SLCO5A1: variants seen among roughly 807,000 people sequenced by gnomAD.
The protein encoded by SLCO5A1 is solute carrier organic anion transporter family member 5A1.
In SLCO5A1, 39 loss-of-function variants were observed where a neutral mutation model predicts 65.1. That is an observed-to-expected ratio of 0.60 (90% confidence interval 0.46 to 0.78). The LOEUF (loss-of-function observed/expected upper bound fraction) is 0.78. Ranked by LOEUF, SLCO5A1 falls within the 30% of genes least tolerant of loss-of-function variation. SLCO5A1 has a pLI of 0.00. For synonymous variants in SLCO5A1, 438 were observed against 415.7 expected (o/e 1.05, Z -0.65); for missense variants, 1,029 against 1,069.4 (o/e 0.96, Z 0.53).
chr8:69,670,927 G>A lies in SLCO5A1; in HGVS notation c.*1942C>T, dbSNP rs575983997. On this transcript the variant is annotated 3_prime_UTR_variant, in exon 10 of 10. Transcript: ENST00000260126. ...CATAGAGGGTAAAGGGGAACCCTGAGGCCCCAAAGGAGACACTAGTTCAAT... is the reference window on the plus strand; with the variant it reads ...CATAGAGGGTAAAGGGGAACCCTGAAGCCCCAAAGGAGACACTAGTTCAAT... The A allele has an allele frequency of 1.3e-5, 2 of 152,322 alleles. No homozygotes were observed. The highest frequency in any genetic ancestry group is 4.8e-5 in the African/African-American group (2 of 41,568). The allele number at this position is 152,322 out of a possible 1,614,324, so 9.4% of individuals were successfully genotyped here.
At chr8:69,715,872 T>G (rs992947183) in intron 5 of SLCO5A1, among the ~76,000 whole-genome samples, 5 of 152,166 alleles carry the variant, frequency 3.3e-5, no homozygotes, top group Admixed American at 2.6e-4. Flanking sequence ...AGTGTACAGT[T>G]TAATGTTTTT....
At chr8:69,811,723 T>A (rs775565985) in intron 2 of SLCO5A1, among the ~76,000 whole-genome samples, 1 of 152,156 alleles carries the variant, frequency 6.6e-6, no homozygotes, top group South Asian at 2.1e-4. Context: ...GAATTAAATT[T>A]TAAAAGTAAT....
intron 5 of SLCO5A1, among the ~76,000 whole-genome samples, chr8:69,715,216 G>A (rs1179557108): frequency 6.6e-6 from 1 of 152,180 alleles, no homozygotes; most frequent in Non-Finnish European, 1.5e-5. Flanking sequence ...GGTGAAAACC[G>A]CTAAGCAAAC....
At chr8:69,772,811 C>T (rs1311214431) in intron 2 of SLCO5A1, 2 of 427,640 alleles carry the variant, frequency 4.7e-6, no homozygotes, top group African/African-American at 2.2e-5. Context: ...CAGAGATCAC[C>T]CACTCATCCA....
At chr8:69,712,292 T>A (rs1480394375) in intron 5 of SLCO5A1, among the ~76,000 whole-genome samples, 1 of 152,246 alleles carries the variant, frequency 6.6e-6, no homozygotes, top group Non-Finnish European at 1.5e-5. Flanking sequence ...CAAGCACTAT[T>A]ATGCCACAAC....
chr8:69,793,138 C>T (rs1819341703), intron 2 of SLCO5A1, among the ~76,000 whole-genome samples: 1 of 152,026 alleles, frequency 6.6e-6, no homozygotes, highest in South Asian at 2.1e-4. Context: ...CACACCACCA[C>T]ACCCAGCCAC....
intron 6 of SLCO5A1, among the ~76,000 whole-genome samples, chr8:69,693,780 C>G (rs1450938877): frequency 2.0e-5 from 3 of 152,180 alleles, no homozygotes; most frequent in African/African-American, 7.2e-5. Flanking sequence ...TATAATTGAT[C>G]ACATCTTAAT....
chr8:69,723,239 C>T (rs913112149), intron 5 of SLCO5A1, among the ~76,000 whole-genome samples: 1 of 151,930 alleles, frequency 6.6e-6, no homozygotes, highest in Non-Finnish European at 1.5e-5. Context: ...ACAAATTAAA[C>T]ACATTTCTTT....
intron 6 of SLCO5A1, among the ~76,000 whole-genome samples, chr8:69,690,704 T>C (rs1045319524): frequency 6.6e-6 from 1 of 152,160 alleles, no homozygotes; most frequent in East Asian, 1.9e-4. Flanking sequence ...GAAGATACTT[T>C]AGGGAAATAT....
At chr8:69,791,092 G>A (rs1819250331) in intron 2 of SLCO5A1, among the ~76,000 whole-genome samples, 1 of 152,150 alleles carries the variant, frequency 6.6e-6, no homozygotes, top group African/African-American at 2.4e-5. Context: ...ATAAAGGGCT[G>A]GAATTTCCCC....
chr8:69,740,622 T>C (rs1816753629), intron 4 of SLCO5A1, among the ~76,000 whole-genome samples: 1 of 152,194 alleles, frequency 6.6e-6, no homozygotes, highest in South Asian at 2.1e-4. Flanking sequence ...CAACCAATTC[T>C]TGATTTCTAA....
intron 2 of SLCO5A1, among the ~76,000 whole-genome samples, chr8:69,822,675 A>G (rs1644259778): frequency 6.6e-6 from 1 of 152,246 alleles, no homozygotes; most frequent in African/African-American, 2.4e-5. Context: ...TGTCCCTTAC[A>G]GCTTGCAGAA....
At chr8:69,739,396 A>C (rs1409731202) in intron 4 of SLCO5A1, among the ~76,000 whole-genome samples, 1 of 152,186 alleles carries the variant, frequency 6.6e-6, no homozygotes, top group East Asian at 1.9e-4. Flanking sequence ...TGGGAAAAAT[A>C]TATAACACCA....
At chr8:69,715,613 A>G (rs1815484814) in intron 5 of SLCO5A1, among the ~76,000 whole-genome samples, 1 of 152,214 alleles carries the variant, frequency 6.6e-6, no homozygotes. Flanking sequence ...AACTCTGTAT[A>G]TGGAAAAAAA....
chr8:69,727,863 C>A (rs1169261014), intron 5 of SLCO5A1, among the ~76,000 whole-genome samples: 1 of 152,218 alleles, frequency 6.6e-6, no homozygotes, highest in Non-Finnish European at 1.5e-5. Context: ...TATTCACAGT[C>A]TCTCAGTCTC....
At chr8:69,824,029 G>A (rs1820762602) in intron 2 of SLCO5A1, among the ~76,000 whole-genome samples, 1 of 152,118 alleles carries the variant, frequency 6.6e-6, no homozygotes, top group Non-Finnish European at 1.5e-5. Context: ...AATGACTACT[G>A]GGTACATAAC....
chr8:69,699,946 G>T (rs570077466), intron 6 of SLCO5A1, among the ~76,000 whole-genome samples: 1 of 152,068 alleles, frequency 6.6e-6, no homozygotes, highest in Admixed American at 6.6e-5. Flanking sequence ...TAGAGTGACC[G>T]CATCTCTACA....
chr8:69,730,276 G>C (rs1055547546), intron 5 of SLCO5A1, among the ~76,000 whole-genome samples: 33 of 152,280 alleles, frequency 2.2e-4, no homozygotes, highest in African/African-American at 7.2e-4. Context: ...CAGAGTTTGT[G>C]GGGATGCAAC....
chr8:69,832,760 C>T lies in SLCO5A1; in HGVS notation c.-87G>A. 6.8e-7 allele frequency: 1 copy of T among 1,464,224 alleles called. No individual in the cohort carries two copies. Among genetic ancestry groups the T allele is most frequent in the Non-Finnish European group, 9.1e-7 (1 of 1,102,640 alleles). 90.7% of individuals were successfully genotyped at this position (1,464,224 alleles called of 1,614,324 possible). On this transcript the variant is annotated 5_prime_UTR_variant, in exon 2 of 10. It introduces an in-frame stop codon into an upstream open reading frame of the 5' UTR. Coordinates refer to ENST00000260126, the MANE Select transcript of SLCO5A1 (RefSeq NM_030958.3). This position sits in a 1 kb window ranked among gnomAD's most constrained non-coding sequence, Gnocchi z 4.5. ...CCGGCACGAGGGGCCGAAGCCGGGCCCAGTCAGTCTTGCCCACCTGGGACT... is the reference window on the plus strand; with the variant it reads ...CCGGCACGAGGGGCCGAAGCCGGGCTCAGTCAGTCTTGCCCACCTGGGACT...
Sources: allele counts gnomAD v4.1 joint callset (sites outside exome capture counted in the v4.1 genomes callset), GRCh38; gene constraint gnomAD v4.1.1; non-coding constraint Gnocchi (gnomAD v3.1); transcripts MANE v1.5; gene names NCBI Gene and HGNC (gene_info 2026-07-23, HGNC 2026-07-21).